Variants in BICD1 observed in about 807,000 individuals in gnomAD.
The protein encoded by BICD1 is protein bicaudal D homolog 1.
In BICD1, 35 loss-of-function variants were observed where a neutral mutation model predicts 92.5. That is an observed-to-expected ratio of 0.38 (90% CI 0.29 to 0.50). BICD1 has a LOEUF of 0.50. Among genes scored for constraint, BICD1 ranks in the 20% least tolerant of loss-of-function variants. The pLI is 0.93. For synonymous variants in BICD1, 429 were observed against 465.1 expected, an observed-to-expected ratio of 0.92 and a Z score of 1.00; for missense variants, 950 against 1,189.8, an observed-to-expected ratio of 0.80 and a Z score of 2.97.
In BICD1 at chr12:32,346,586, G is replaced by A. The variant is rs1237010171; in HGVS notation, c.2764+7607G>A. Among the ~76,000 whole-genome samples, 29 of 10,342 alleles carry A rather than the reference G, an allele frequency of 2.8e-3. 2 individuals are homozygous for A. Among genetic ancestry groups the A allele is most frequent in the South Asian group, 0.012 (2 of 170 alleles). The allele number at this position is 10,342 out of a possible 152,430, so 6.8% of individuals were successfully genotyped here. Reference sequence around the variant, plus strand: ...TATATATATATATATATATATACGTGTATATATATATATATATATATATAT... The same window carrying A: ...TATATATATATATATATATATACGTATATATATATATATATATATATATAT... On this transcript the variant is annotated intron_variant, in intron 8 of 9. Transcript: ENST00000652176.
At chr12:32,346,273 T>G (rs1174079911) in intron 8 of BICD1, among the ~76,000 whole-genome samples, 1 of 151,376 alleles carries the variant, frequency 6.6e-6, no homozygotes, top group Non-Finnish European at 1.5e-5. Flanking sequence ...TAATTCCACT[T>G]TGGGAGGCCG....
intron 1 of BICD1, among the ~76,000 whole-genome samples, chr12:32,127,053 G>A (rs955492189): frequency 6.6e-6 from 1 of 152,030 alleles, no homozygotes; most frequent in Non-Finnish European, 1.5e-5. Context: ...TGTATACTAA[G>A]CCTTTTTAGT....
At chr12:32,338,690 C>CTATTGGCATTTAT (rs1938231485) in intron 7 of BICD1, 96 bp from the exon 8 acceptor site, 3 of 990,822 alleles carry the variant, frequency 3.0e-6, no homozygotes, top group South Asian at 3.4e-5. Context: ...AATTAAATGC[C>CTATTGGCATTTAT]AGTATAAATA....
At chr12:32,240,603 A>T (rs894213112) in intron 2 of BICD1, among the ~76,000 whole-genome samples, 2 of 152,178 alleles carry the variant, frequency 1.3e-5, no homozygotes, top group Admixed American at 6.5e-5. Flanking sequence ...TAATCTCTGC[A>T]TCTCAAAATC....
At chr12:32,279,535 A>G (rs2136165566) in intron 2 of BICD1, among the ~76,000 whole-genome samples, 1 of 152,356 alleles carries the variant, frequency 6.6e-6, no homozygotes, top group South Asian at 2.1e-4. Flanking sequence ...AGAAGAAAAA[A>G]TAGAAATCAG....
chr12:32,242,323 C>A (rs946554753), intron 2 of BICD1, among the ~76,000 whole-genome samples: 2 of 149,072 alleles, frequency 1.3e-5, no homozygotes, highest in African/African-American at 5.0e-5. Flanking sequence ...GTCAGGAGTT[C>A]GAGACCAGCC....
intron 2 of BICD1, among the ~76,000 whole-genome samples, chr12:32,266,979 A>T (rs542633224): frequency 6.6e-6 from 1 of 152,290 alleles, no homozygotes; most frequent in South Asian, 2.1e-4. Context: ...CCTGGCTCTG[A>T]GGTTTGACTT....
At chr12:32,131,293 C>T (rs947541217) in intron 1 of BICD1, among the ~76,000 whole-genome samples, 4 of 151,684 alleles carry the variant, frequency 2.6e-5, no homozygotes, top group African/African-American at 7.3e-5. Context: ...TTTCTGTTGC[C>T]GTATATTTCA....
intron 1 of BICD1, among the ~76,000 whole-genome samples, chr12:32,168,118 G>A (rs113922912): frequency 2.0e-5 from 3 of 151,648 alleles, no homozygotes; most frequent in African/African-American, 7.3e-5. Flanking sequence ...ATTGAAAGTT[G>A]GATATATTTT....
chr12:32,175,458 AG>A (rs1261521676), intron 1 of BICD1, among the ~76,000 whole-genome samples: 1 of 152,108 alleles, frequency 6.6e-6, no homozygotes, highest in African/African-American at 2.4e-5. Context: ...CTGGGATTAC[AG>A]GTGCACGCCA....
rs531205800 is a variant in BICD1 at position 32,371,712 on chromosome 12, C to T, written c.2840+3967C>T. 9.5e-4 allele frequency among the ~76,000 whole-genome samples: 145 copies of T among 152,228 alleles called. 1 individual carries two copies. In the South Asian group the frequency reaches 9.9e-3, roughly 10 times the overall value. On this transcript the variant is annotated intron_variant, in intron 9 of 9. Coordinates refer to ENST00000652176, the MANE Select transcript of BICD1 (RefSeq NM_001714.4). ...AAGCAATTCTTCTGCCTCAGCCACC[C>T]GAGTAGCTGGGATTACAGGTGTGTG...
chr12:32,107,492 A>G lies in BICD1; in HGVS notation c.161A>G (p.Glu54Gly), dbSNP rs1319050732. Residue 54 changes from glutamate (E) to glycine (G), a missense_variant, in exon 1 of 10, where the codon GAA becomes GGA. Physicochemically the swap from Glu to Gly is moderately conservative, Grantham distance 98 (BLOSUM62 -2). Transcript: ENST00000652176. ...EKLTLKQQYD[E>G]LEAEYDSLKQ... Reference sequence around the variant, plus strand: ...CTGACCCTCAAACAGCAGTATGATGAACTGGAGGCTGAGTACGACAGCCTC... The same window carrying G: ...CTGACCCTCAAACAGCAGTATGATGGACTGGAGGCTGAGTACGACAGCCTC... The G allele has an allele frequency of 1.9e-6, 3 of 1,608,418 alleles. No individual in the cohort carries two copies. Among genetic ancestry groups the G allele is most frequent in the South Asian group, 2.2e-5 (2 of 89,548 alleles).
chr12:32,303,080 G>A (rs540784386), intron 3 of BICD1, among the ~76,000 whole-genome samples: 3 of 151,576 alleles, frequency 2.0e-5, no homozygotes, highest in African/African-American at 4.9e-5. Flanking sequence ...GACTATAGGT[G>A]CACGCCACCA....
chr12:32,243,264 A>ATTTTTTTTTTTTTTTTTTT (rs71068310), intron 2 of BICD1, among the ~76,000 whole-genome samples: 64 of 74,024 alleles, frequency 8.6e-4, no homozygotes, highest in Non-Finnish European at 1.1e-3. Context: ...TGCCTGGCTA[A>ATTTTTTTTTTTTTTTTTTT]TTTTTTTTTT....
intron 1 of BICD1, among the ~76,000 whole-genome samples, chr12:32,203,660 A>T (rs1944969702): frequency 6.6e-6 from 1 of 152,086 alleles, no homozygotes; most frequent in Non-Finnish European, 1.5e-5. Context: ...ATGCTATATA[A>T]ACTGCATACT....
At chr12:32,373,888 A>AAG (rs1294198206) in intron 9 of BICD1, among the ~76,000 whole-genome samples, 54 of 151,810 alleles carry the variant, frequency 3.6e-4, no homozygotes, top group African/African-American at 1.3e-3. Context: ...AAAAAAAAAA[A>AAG]AAAGTATTGG....
intron 2 of BICD1, among the ~76,000 whole-genome samples, chr12:32,274,127 G>A (rs1022395614): frequency 6.6e-6 from 1 of 152,230 alleles, no homozygotes. Context: ...AGTTCTTTTC[G>A]ACACTTTAAT....
chr12:32,348,723 A>AAAAAATATAT (rs1938731695), intron 8 of BICD1, among the ~76,000 whole-genome samples: 3 of 118,012 alleles, frequency 2.5e-5, no homozygotes, highest in Admixed American at 1.1e-4. Flanking sequence ...CTCACACAAA[A>AAAAAATATAT]ATATATATAT....
rs1937653182 is a variant in BICD1, at chr12:32,328,322, A to G, written c.1867A>G (p.Met623Val). 1.9e-6 allele frequency: 3 copies of G among 1,614,146 alleles called. No homozygotes were observed. The highest frequency in any genetic ancestry group is 2.2e-5 in the East Asian group (1 of 44,904). Reference protein sequence around the residue: ...LDTSDIRKEPMNIYNLNAIIR... With the variant: ...LDTSDIRKEPVNIYNLNAIIR... ...TACAAGTGACATCCGCAAAGAGCCA[A>G]TGAATATCTACAACCTTAATGCCAT... The change falls in exon 5 of 10, where the codon ATG (methionine) becomes GTG (valine). Residue 623 changes from methionine to valine, a missense_variant. Physicochemically the swap from Met to Val is conservative, Grantham distance 21 (BLOSUM62 1). Around this residue, in one of 5 missense-constraint regions of BICD1, gnomAD observed 309 missense variants for 499.4 expected, o/e 0.62. Transcript: ENST00000652176. The surrounding 1 kb of genome is among the most constrained non-coding windows in gnomAD (Gnocchi z 4.4).
Sources: gnomAD v4.1 joint callset for allele counts (sites outside exome capture counted in the v4.1 genomes callset) on GRCh38, gnomAD v4.1.1 for gene constraint, gnomAD v4.1.1 regional missense constraint, Gnocchi (gnomAD v3.1) non-coding constraint, MANE v1.5 for transcripts, NCBI Gene and HGNC (gene_info 2026-07-23, HGNC 2026-07-21) for gene names.